The following OR4N2 variants were observed in gnomAD, a reference collection of about 807,000 sequenced individuals.
The protein encoded by OR4N2 is olfactory receptor family 4 subfamily N member 2, also known as olfactory receptor 4N2.
For synonymous variants in OR4N2, 141 were observed against 140.4 expected (o/e 1.00, Z -0.03); for missense variants, 307 against 377.6 (o/e 0.81, Z 1.55).
rs1463971030 is a variant in OR4N2 at position 19,828,349 on chromosome 14, G to C, written c.901G>C (p.Val301Leu). 5 of 1,612,574 alleles carry C rather than the reference G, an allele frequency of 3.1e-6. No homozygotes were observed. Among genetic ancestry groups the C allele is most frequent in the Non-Finnish European group, 4.2e-6 (5 of 1,179,560 alleles). ...GGAAGTGAAAGCTTCCATGAAAAAG[G>C]TGTTTAATAAGCACATAGCCTGAAA... ...NQEVKASMKK[V>L]FNKHIA The change falls in exon 2 of 2, where the codon GTG (valine) becomes CTG (leucine). Residue 301 changes from valine to leucine, a missense_variant. Physicochemically the swap from Val to Leu is conservative, Grantham distance 32. Coordinates refer to ENST00000557677, the MANE Select transcript of OR4N2 (RefSeq NM_001004723.3).
chr14:19,815,695 C>T (rs375753904), intron 1 of OR4N2, among the ~76,000 whole-genome samples: 2 of 141,908 alleles, frequency 1.4e-5, no homozygotes, highest in African/African-American at 5.3e-5. Context: ...AGAAGCTCTT[C>T]AGTTTAATTA....
intron 1 of OR4N2, among the ~76,000 whole-genome samples, chr14:19,819,171 G>A (rs897036359): frequency 6.6e-6 from 1 of 152,210 alleles, no homozygotes; most frequent in African/African-American, 2.4e-5. Flanking sequence ...TCTTGGGGTT[G>A]CTCTTCTCGG....
At chr14:19,808,243 G>T (rs138692032) in intron 1 of OR4N2, among the ~76,000 whole-genome samples, 181 of 152,228 alleles carry the variant, frequency 1.2e-3, no homozygotes, top group African/African-American at 4.3e-3. Context: ...TAGCAATTAT[G>T]CAAAAGAAAG....
At chr14:19,822,275 G>A (rs547897078) in intron 1 of OR4N2, 1 of 152,340 alleles carries the variant, frequency 6.6e-6, no homozygotes, top group South Asian at 2.1e-4. Context: ...TTGACATCTG[G>A]TGTTAAAAAC....
At chr14:19,807,118 A>G (rs1852336277) in intron 1 of OR4N2, among the ~76,000 whole-genome samples, 1 of 152,046 alleles carries the variant, frequency 6.6e-6, no homozygotes, top group Non-Finnish European at 1.5e-5. Context: ...ATAGCATTAA[A>G]TACCTTCATC....
At chr14:19,822,165 T>A (rs1490120468) in intron 1 of OR4N2, 2 of 152,228 alleles carry the variant, frequency 1.3e-5, no homozygotes, top group Non-Finnish European at 1.5e-5. Flanking sequence ...CTATGTACTC[T>A]CTCTCCTAAT....
At chr14:19,814,734 C>T (rs1879383324) in intron 1 of OR4N2, among the ~76,000 whole-genome samples, 1 of 152,236 alleles carries the variant, frequency 6.6e-6, no homozygotes, top group African/African-American at 2.4e-5. Context: ...AGGTTTGTTA[C>T]ATAGGTAAAT....
intron 1 of OR4N2, among the ~76,000 whole-genome samples, chr14:19,819,310 T>C (rs2138474267): frequency 6.6e-6 from 1 of 152,376 alleles, no homozygotes; most frequent in East Asian, 1.9e-4. Context: ...TCCCCGTCAC[T>C]TTCAGGTACA....
chr14:19,823,206 A>T (rs1264339609), intron 1 of OR4N2, among the ~76,000 whole-genome samples: 1 of 152,264 alleles, frequency 6.6e-6, no homozygotes, highest in Non-Finnish European at 1.5e-5. Context: ...ACCTTGCATC[A>T]TTAGTGAGCT....
At chr14:19,808,416 G>A (rs780443039) in intron 1 of OR4N2, among the ~76,000 whole-genome samples, 1 of 152,136 alleles carries the variant, frequency 6.6e-6, no homozygotes, top group Non-Finnish European at 1.5e-5. Flanking sequence ...ACAAAAATCA[G>A]TAGCATTTCC....
At chr14:19,807,099 G>A (rs1201232327) in intron 1 of OR4N2, among the ~76,000 whole-genome samples, 1 of 147,656 alleles carries the variant, frequency 6.8e-6, no homozygotes, top group Non-Finnish European at 1.5e-5. Context: ...TAAGATAAGA[G>A]GAAAGATTAT....
At chr14:19,805,374 A>G (rs1259738388) in intron 1 of OR4N2, among the ~76,000 whole-genome samples, 1 of 152,212 alleles carries the variant, frequency 6.6e-6, no homozygotes, top group Non-Finnish European at 1.5e-5. Context: ...GCTGAAAGAC[A>G]AAATAACCAC....
At chr14:19,825,572 T>TA in intron 1 of OR4N2, among the ~76,000 whole-genome samples, 1 of 151,346 alleles carries the variant, frequency 6.6e-6, no homozygotes. Flanking sequence ...TTTATTTATT[T>TA]TGAGACGGAG....
intron 1 of OR4N2, among the ~76,000 whole-genome samples, chr14:19,809,516 A>G (rs558486441): frequency 1.6e-4 from 24 of 152,312 alleles, no homozygotes; most frequent in African/African-American, 5.5e-4. Context: ...AAACGAACAA[A>G]AAATCCACTT....
chr14:19,818,522 T>C (rs1879483787), intron 1 of OR4N2, among the ~76,000 whole-genome samples: 1 of 152,206 alleles, frequency 6.6e-6, no homozygotes, highest in African/African-American at 2.4e-5. Flanking sequence ...TTTTTTGGCT[T>C]TCAATATGCT....
At chr14:19,804,287 G>A (rs1879111115) in intron 1 of OR4N2, among the ~76,000 whole-genome samples, 1 of 152,026 alleles carries the variant, frequency 6.6e-6, no homozygotes, top group African/African-American at 2.4e-5. Flanking sequence ...TCGGTGTGAT[G>A]TTAGGATGTT....
intron 1 of OR4N2, among the ~76,000 whole-genome samples, chr14:19,816,462 T>A (rs1442813785): frequency 2.6e-5 from 4 of 152,258 alleles, no homozygotes; most frequent in African/African-American, 4.8e-5. Context: ...TTGTAGCAAT[T>A]GTGAATGGGA....
intron 1 of OR4N2, among the ~76,000 whole-genome samples, chr14:19,818,586 G>T (rs1306285342): frequency 6.6e-6 from 1 of 152,152 alleles, no homozygotes; most frequent in African/African-American, 2.4e-5. Flanking sequence ...CTTTGCACGT[G>T]AGATGGGTCT....
intron 1 of OR4N2, among the ~76,000 whole-genome samples, chr14:19,809,555 C>CA (rs1471193869): frequency 6.6e-6 from 1 of 151,936 alleles, no homozygotes; most frequent in East Asian, 1.9e-4. Flanking sequence ...CAATCCTAAG[C>CA]AAAAAAGAAC....
Sources: gnomAD v4.1 joint callset for allele counts (sites outside exome capture counted in the v4.1 genomes callset) on GRCh38, gnomAD v4.1.1 for gene constraint, MANE v1.5 for transcripts, NCBI Gene and HGNC (gene_info 2026-07-23, HGNC 2026-07-21) for gene names.